Variants in SERPINB12 observed in about 807,000 individuals in gnomAD.
SERPINB12 encodes the protein serpin B12.
In SERPINB12, 57 loss-of-function variants were observed where a neutral mutation model predicts 41.1. The ratio of observed to expected loss-of-function variants is 1.39; its 90% confidence interval spans 1.12 to 1.73. The LOEUF (loss-of-function observed/expected upper bound fraction) is 1.73, where lower values mean the gene tolerates loss of function less well. Among genes scored for constraint, SERPINB12 ranks in the 40% most tolerant of loss-of-function variants. The pLI is 0.00. For synonymous variants in SERPINB12, 180 were observed against 181.3 expected, an observed-to-expected ratio of 0.99 and a Z score of 0.06; for missense variants, 536 against 501.9, an observed-to-expected ratio of 1.07 and a Z score of -0.65.
intron 5 of SERPINB12, 49 bp from the exon 6 acceptor site, chr18:63,563,929 G>A (rs1461840218): frequency 7.4e-6 from 11 of 1,479,052 alleles, no homozygotes; most frequent in Non-Finnish European, 1.0e-5. Flanking sequence ...CTACACAAAT[G>A]CTTTTGATAC....
At chr18:63,522,935 T>C in the SERPINB12 span, among the ~76,000 whole-genome samples, 1 of 152,160 alleles carries the variant, frequency 6.6e-6, no homozygotes, top group African/African-American at 2.4e-5. Context: ...ATCAATAACA[T>C]ACTCATAAAT....
At position 63,568,207 on chromosome 18, in the gene SERPINB12, C is replaced by A. The variant is rs1911178560; in HGVS notation, c.*1196C>A. ...ACCAGCCTGGGCAACATATTGAGAC[C>A]CTGACTCTACAAAAAATACAGAAAT... On this transcript the variant is annotated 3_prime_UTR_variant, in exon 8 of 8. Coordinates refer to ENST00000382768, the MANE Select transcript of SERPINB12 (RefSeq NM_001307928.2). Among the ~76,000 whole-genome samples, 1 of 152,068 alleles carries A rather than the reference C, an allele frequency of 6.6e-6. No homozygotes were observed. Among genetic ancestry groups the A allele is most frequent in the African/African-American group, 2.4e-5 (1 of 41,396 alleles).
At chr18:63,529,676 G>A in the SERPINB12 span, among the ~76,000 whole-genome samples, 1 of 152,042 alleles carries the variant, frequency 6.6e-6, no homozygotes, top group African/African-American at 2.4e-5. Flanking sequence ...AACTGGTGGA[G>A]TGCTGTGTAT....
At chr18:63,533,315 G>C in the SERPINB12 span, among the ~76,000 whole-genome samples, 73 of 152,280 alleles carry the variant, frequency 4.8e-4, no homozygotes, top group African/African-American at 1.7e-3. Context: ...AAGTTCTGGT[G>C]GTTGGGAATG....
chr18:63,558,999 C>CTTTCTTTCT (rs1555675571), intron 3 of SERPINB12, among the ~76,000 whole-genome samples: 6 of 114,778 alleles, frequency 5.2e-5, no homozygotes, highest in African/African-American at 1.8e-4. Flanking sequence ...TCTTTCTTTC[C>CTTTCTTTCT]TTCCTTCTTT....
chr18:63,563,997 C>T lies in SERPINB12; in HGVS notation c.582C>T (p.Phe194=), dbSNP rs755967097. Reference sequence around the variant, plus strand: ...TTTTAGGTAAAATCAAGGAACTCTTCAGCAAGGACGCTATTAATGCTGAGA... The same window carrying T: ...TTTTAGGTAAAATCAAGGAACTCTTTAGCAAGGACGCTATTAATGCTGAGA... ...CQSQGKIKEL[F]SKDAINAETV... is the part of the protein sequence containing the mutation. Residue 194 remains phenylalanine, a synonymous_variant, in exon 6 of 8, where the codon TTC becomes TTT. Transcript: ENST00000382768. 1.2e-5 allele frequency: 19 copies of T among 1,611,712 alleles called. No homozygotes were observed. The highest frequency in any genetic ancestry group is 1.5e-5 in the Non-Finnish European group (18 of 1,179,282).
chr18:63,528,189 G>A, the SERPINB12 span, among the ~76,000 whole-genome samples: 4 of 151,976 alleles, frequency 2.6e-5, no homozygotes, highest in African/African-American at 9.7e-5. Flanking sequence ...GAATTAGCTA[G>A]GAAACTTCTA....
At chr18:63,555,257 G>T (rs1279937392) in intron 1 of SERPINB12, among the ~76,000 whole-genome samples, 1 of 152,202 alleles carries the variant, frequency 6.6e-6, no homozygotes, top group Non-Finnish European at 1.5e-5. Flanking sequence ...TGAGTCAAAA[G>T]GGGGTGAGAA....
the SERPINB12 span, among the ~76,000 whole-genome samples, chr18:63,529,550 T>C: frequency 6.6e-6 from 1 of 152,208 alleles, no homozygotes. Flanking sequence ...AGTAAATAGA[T>C]TGAATTCAGT....
rs1474317255 is a variant in SERPINB12 at position 63,567,415 on chromosome 18, C to T, written c.*404C>T. 6.6e-6 allele frequency among the ~76,000 whole-genome samples: 1 copy of T among 152,060 alleles called. No homozygotes were observed. The highest frequency in any genetic ancestry group is 1.5e-5 in the Non-Finnish European group (1 of 67,950). On this transcript the variant is annotated 3_prime_UTR_variant, in exon 8 of 8. Coordinates refer to ENST00000382768, the MANE Select transcript of SERPINB12 (RefSeq NM_001307928.2). ...GACTGGAACGTGTTTGGAAACTCAG[C>T]TCTGTTTCTGGGGTAGTTTGACCGG...
intron 1 of SERPINB12, among the ~76,000 whole-genome samples, chr18:63,552,185 G>A (rs1910549463): frequency 6.6e-6 from 1 of 152,130 alleles, no homozygotes; most frequent in African/African-American, 2.4e-5. Flanking sequence ...ATACTCTCTG[G>A]GAGGCCTGCG....
At position 63,556,202 on chromosome 18, in the gene SERPINB12, C is replaced by T. The variant is rs1012983219; in HGVS notation, c.43C>T (p.Leu15Phe). ...AGCAAACACCAAATTTTGCTTTGATCTTTTTCAAGAGATAGGCAAAGATGA... is the reference window on the plus strand; with the variant it reads ...AGCAAACACCAAATTTTGCTTTGATTTTTTTCAAGAGATAGGCAAAGATGA... The part of the protein sequence containing the change: ...VTANTKFCFD[L>F]FQEIGKDDRH... The change falls in exon 2 of 8, where the codon CTT becomes TTT. Residue 15 changes from leucine to phenylalanine, a missense_variant. Leu to Phe is a conservative substitution (Grantham distance 22). Coordinates refer to ENST00000382768, the MANE Select transcript of SERPINB12 (RefSeq NM_001307928.2). The T allele has an allele frequency of 6.2e-7, 1 of 1,613,624 alleles. No homozygotes were observed. The highest frequency in any genetic ancestry group is 8.5e-7 in the Non-Finnish European group (1 of 1,179,878).
chr18:63,525,174 C>G, the SERPINB12 span, among the ~76,000 whole-genome samples: 1,398 of 152,052 alleles, frequency 9.2e-3, 27 homozygotes, highest in African/African-American at 0.031. Context: ...TTTCTATTTC[C>G]TTTCTAAGTC....
At position 63,567,914 on chromosome 18, in the gene SERPINB12, C is replaced by A. The variant is rs112121183; in HGVS notation, c.*903C>A. On this transcript the variant is annotated 3_prime_UTR_variant, in exon 8 of 8. Coordinates refer to ENST00000382768, the MANE Select transcript of SERPINB12 (RefSeq NM_001307928.2). ...TGCCCCTCTCTCTGCCTTCTGGCCA[C>A]GTGGAGGCTGGCCTCTGTGTGCCCC... is the stretch of plus-strand genomic sequence containing the variant. 6.9e-6 allele frequency among the ~76,000 whole-genome samples: 1 copy of A among 144,220 alleles called. No homozygotes were observed. The highest frequency in any genetic ancestry group is 3.8e-4 in the East Asian group (1 of 2,656). The allele number at this position is 144,220 out of a possible 152,430, so 94.6% of individuals were successfully genotyped here.
chr18:63,551,908 C>T (rs1910540375), intron 1 of SERPINB12, among the ~76,000 whole-genome samples: 1 of 152,132 alleles, frequency 6.6e-6, no homozygotes, highest in Non-Finnish European at 1.5e-5. Flanking sequence ...GGTCTATGTC[C>T]TATTGCTCAC....
the SERPINB12 span, among the ~76,000 whole-genome samples, chr18:63,532,065 C>A: frequency 6.6e-6 from 1 of 152,176 alleles, no homozygotes; most frequent in African/African-American, 2.4e-5. Flanking sequence ...TTAATACAAA[C>A]CTATCAGATG....
upstream of SERPINB12, among the ~76,000 whole-genome samples, chr18:63,538,397 A>G (rs1910213497): frequency 6.6e-6 from 1 of 152,078 alleles, no homozygotes; most frequent in South Asian, 2.1e-4. Context: ...TTCTCTCTTT[A>G]TGGATTTGCC....
At chr18:63,545,330 C>A (rs1236826966) in intron 1 of SERPINB12, among the ~76,000 whole-genome samples, 1 of 151,882 alleles carries the variant, frequency 6.6e-6, no homozygotes, top group African/African-American at 2.4e-5. Flanking sequence ...TAGAGAGGCT[C>A]GCTTTCTTCA....
chr18:63,532,255 G>T, the SERPINB12 span, among the ~76,000 whole-genome samples: 1,429 of 152,304 alleles, frequency 9.4e-3, 19 homozygotes, highest in African/African-American at 0.033. Context: ...ACTTACAGTT[G>T]CTAGGACCCT....
Sources: allele counts gnomAD v4.1 joint callset (sites outside exome capture counted in the v4.1 genomes callset), GRCh38; gene constraint gnomAD v4.1.1; transcripts MANE v1.5; gene names NCBI Gene and HGNC (gene_info 2026-07-23, HGNC 2026-07-21).